The following CNTN4 variants were observed in gnomAD, a reference collection of about 807,000 sequenced individuals.
The protein encoded by CNTN4 is contactin-4.
In CNTN4, 77 loss-of-function variants were observed where a neutral mutation model predicts 122.5. That is an observed-to-expected ratio of 0.63 (90% CI 0.52 to 0.76). CNTN4 has a LOEUF of 0.76. CNTN4 is among the 30% of genes least tolerant of loss of function. The pLI is 0.00. For missense variants in CNTN4, 1,256 were observed against 1,259.1 expected, an observed-to-expected ratio of 1.00 and a Z score of 0.04; for synonymous variants, 512 against 447.0, an observed-to-expected ratio of 1.15 and a Z score of -1.83.
At chr3:2,929,352 G>A (rs942837470) in intron 13 of CNTN4, among the ~76,000 whole-genome samples, 1 of 152,196 alleles carries the variant, frequency 6.6e-6, no homozygotes, top group Non-Finnish European at 1.5e-5. Context: ...AGGCAGGTAA[G>A]ACTGAAGTTG....
At chr3:2,759,309 C>T (rs1263145568) in intron 6 of CNTN4, among the ~76,000 whole-genome samples, 1 of 152,126 alleles carries the variant, frequency 6.6e-6, no homozygotes, top group African/African-American at 2.4e-5. Flanking sequence ...GTGCCTGCCA[C>T]CACGCCCGGC....
At chr3:2,412,395 G>A (rs1478934578) in intron 3 of CNTN4, among the ~76,000 whole-genome samples, 1 of 151,970 alleles carries the variant, frequency 6.6e-6, no homozygotes, top group Non-Finnish European at 1.5e-5. Context: ...GGGATTACAG[G>A]TCCCCACCAC....
At chr3:2,361,407 TG>T (rs2045132106) in intron 3 of CNTN4, among the ~76,000 whole-genome samples, 1 of 152,196 alleles carries the variant, frequency 6.6e-6, no homozygotes. Flanking sequence ...AGTGGGTAGC[TG>T]CCAGGTATCC....
In CNTN4 at chr3:2,287,632, GAGAAGAAGAAGAAGAAGAAGA is replaced by G. The variant is rs1210971247; in HGVS notation, c.-144-51506_-144-51486del. Among the ~76,000 whole-genome samples the G allele has an allele frequency of 2.6e-3, 128 of 49,512 alleles. 2 individuals carry two copies. Among genetic ancestry groups the G allele is most frequent in the African/African-American group, 8.8e-3 (123 of 14,042 alleles). 32.5% of individuals were successfully genotyped at this position (49,512 alleles called of 152,430 possible). ...AAAGAAGGAGAAGGAGAAGGAGAAG[GAGAAGAAGAAGAAGAAGAAGA>G]AGAAGAAGAAGAAGAAGAAGAAGAA... On this transcript the variant is annotated intron_variant, in intron 2 of 24. Coordinates refer to ENST00000418658, the MANE Select transcript of CNTN4 (RefSeq NM_175607.3).
At chr3:2,868,915 G>A (rs946024585) in intron 8 of CNTN4, among the ~76,000 whole-genome samples, 2 of 152,130 alleles carry the variant, frequency 1.3e-5, no homozygotes, top group African/African-American at 2.4e-5. Flanking sequence ...CATTTGAGCT[G>A]AGATCTGAAT....
At chr3:2,700,342 G>A (rs2086288035) in intron 4 of CNTN4, among the ~76,000 whole-genome samples, 1 of 152,186 alleles carries the variant, frequency 6.6e-6, no homozygotes, top group Admixed American at 6.5e-5. Flanking sequence ...AAGAGATGGG[G>A]CAAGAATTCC....
intron 7 of CNTN4, among the ~76,000 whole-genome samples, chr3:2,852,498 T>C (rs951950154): frequency 6.6e-6 from 1 of 152,150 alleles, no homozygotes; most frequent in African/African-American, 2.4e-5. Flanking sequence ...TTATCAACAA[T>C]AATAATAATA....
chr3:3,005,802 T>G (rs2125444117), intron 14 of CNTN4, among the ~76,000 whole-genome samples: 1 of 152,180 alleles, frequency 6.6e-6, no homozygotes, highest in African/African-American at 2.4e-5. Context: ...ACCATCACAT[T>G]GGGATTAGAG....
intron 4 of CNTN4, among the ~76,000 whole-genome samples, chr3:2,694,737 A>G (rs553089432): frequency 6.6e-6 from 1 of 152,228 alleles, no homozygotes; most frequent in South Asian, 2.1e-4. Flanking sequence ...TCAAAAAAAG[A>G]AAGAAAGAAA....
intron 7 of CNTN4, among the ~76,000 whole-genome samples, chr3:2,846,035 C>G (rs139736221): frequency 6.6e-6 from 1 of 152,188 alleles, no homozygotes; most frequent in African/African-American, 2.4e-5. Context: ...GGTGTGGGAG[C>G]AGGTCCTTGA....
At chr3:3,025,056 A>C (rs1698613625) in intron 14 of CNTN4, among the ~76,000 whole-genome samples, 1 of 152,198 alleles carries the variant, frequency 6.6e-6, no homozygotes, top group African/African-American at 2.4e-5. Context: ...TTCTTTAGGC[A>C]TGTATGCGGC....
chr3:2,873,033 G>A (rs2093803983), intron 8 of CNTN4, among the ~76,000 whole-genome samples: 1 of 152,070 alleles, frequency 6.6e-6, no homozygotes, highest in Non-Finnish European at 1.5e-5. Context: ...GTAGGAAAAA[G>A]CCCAAACGAT....
At chr3:2,877,400 C>G (rs1429059363) in intron 8 of CNTN4, among the ~76,000 whole-genome samples, 1 of 152,196 alleles carries the variant, frequency 6.6e-6, no homozygotes, top group African/African-American at 2.4e-5. Context: ...ATCTCTCTTA[C>G]TCCAAAGAAT....
chr3:2,359,325 A>C (rs1386012722), intron 3 of CNTN4, among the ~76,000 whole-genome samples: 2 of 152,138 alleles, frequency 1.3e-5, no homozygotes, highest in Non-Finnish European at 2.9e-5. Flanking sequence ...TACAACATAC[A>C]TTATATATAT....
intron 3 of CNTN4, among the ~76,000 whole-genome samples, chr3:2,530,457 C>A (rs572094294): frequency 1.3e-5 from 2 of 151,720 alleles, no homozygotes; most frequent in Non-Finnish European, 2.9e-5. Flanking sequence ...TACAGATGCG[C>A]GCCACCATGC....
At chr3:2,380,896 CAT>C (rs1237499561) in intron 3 of CNTN4, among the ~76,000 whole-genome samples, 1 of 152,144 alleles carries the variant, frequency 6.6e-6, no homozygotes, top group African/African-American at 2.4e-5. Context: ...CAATTTGAAT[CAT>C]ATGTGTTTTT....
At chr3:2,745,777 C>A in intron 6 of CNTN4, 80 bp downstream of exon 6, 1 of 1,247,108 alleles carries the variant, frequency 8.0e-7, no homozygotes, top group Non-Finnish European at 1.2e-6. Context: ...ATAGCAGTTT[C>A]ATTTTAGAGA....
intron 3 of CNTN4, among the ~76,000 whole-genome samples, chr3:2,479,670 G>T (rs957451269): frequency 6.6e-6 from 1 of 152,172 alleles, no homozygotes; most frequent in Non-Finnish European, 1.5e-5. Flanking sequence ...TTCCCTGGGT[G>T]TGCCTGTCTA....
intron 4 of CNTN4, among the ~76,000 whole-genome samples, chr3:2,686,908 A>C (rs550464277): frequency 3.4e-4 from 52 of 152,152 alleles, no homozygotes; most frequent in Non-Finnish European, 7.2e-4. Context: ...TGCCACCAAA[A>C]AGTGATGGTG....
Sources: allele counts gnomAD v4.1 joint callset (sites outside exome capture counted in the v4.1 genomes callset), GRCh38; gene constraint gnomAD v4.1.1; transcripts MANE v1.5; gene names NCBI Gene and HGNC (gene_info 2026-07-23, HGNC 2026-07-21).